Variants in ABLIM1 observed in about 807,000 individuals in gnomAD.
The protein encoded by ABLIM1 is actin binding LIM protein 1.
ABLIM1 carries 40 observed loss-of-function variants against 107.0 expected under a neutral mutation model. The observed-to-expected ratio is 0.37, with a 90% CI of 0.29 to 0.49. The LOEUF (loss-of-function observed/expected upper bound fraction) is 0.49. Ranked by LOEUF, ABLIM1 falls within the 20% of genes least tolerant of loss-of-function variation. The pLI is 0.97. For missense variants in ABLIM1, 857 were observed against 1,008.5 expected, an observed-to-expected ratio of 0.85 and a Z score of 2.04; for synonymous variants, 357 against 357.3, an observed-to-expected ratio of 1.00 and a Z score of 0.01.
chr10:114,510,657 T>TC (rs2061721760), intron 6 of ABLIM1, among the ~76,000 whole-genome samples: 1 of 97,422 alleles, frequency 1.0e-5, no homozygotes, highest in Non-Finnish European at 1.9e-5. Flanking sequence ...TATTTTATTA[T>TC]TTTTTTTTTT....
At chr10:114,478,124 A>C (rs1049437820) in intron 8 of ABLIM1, among the ~76,000 whole-genome samples, 1 of 152,194 alleles carries the variant, frequency 6.6e-6, no homozygotes, top group Non-Finnish European at 1.5e-5. Flanking sequence ...TGTTGAGCTA[A>C]AGATTTTAAA....
chr10:114,738,206 G>A (rs1369936667), intron 1 of ABLIM1, among the ~76,000 whole-genome samples: 1 of 152,072 alleles, frequency 6.6e-6, no homozygotes, highest in Non-Finnish European at 1.5e-5. Context: ...GTGCCACCGT[G>A]TCTGACTAAT....
chr10:114,795,228 T>G, the ABLIM1 span, among the ~76,000 whole-genome samples: 1 of 152,184 alleles, frequency 6.6e-6, no homozygotes, highest in Non-Finnish European at 1.5e-5. Context: ...ACAAAGTGCC[T>G]TTCTGGCAGT....
At chr10:114,747,414 G>C (rs1022566222) in intron 1 of ABLIM1, among the ~76,000 whole-genome samples, 1 of 152,140 alleles carries the variant, frequency 6.6e-6, no homozygotes, top group Non-Finnish European at 1.5e-5. Flanking sequence ...TCTCCGCTCT[G>C]CTCTATGTGT....
intron 1 of ABLIM1, among the ~76,000 whole-genome samples, chr10:114,671,687 A>C (rs151082827): frequency 6.6e-6 from 1 of 152,216 alleles, no homozygotes; most frequent in South Asian, 2.1e-4. Flanking sequence ...TTGTAAATAA[A>C]GTTTTATTGA....
intron 6 of ABLIM1, among the ~76,000 whole-genome samples, chr10:114,514,582 T>C (rs1424664720): frequency 6.6e-6 from 1 of 152,212 alleles, no homozygotes; most frequent in Non-Finnish European, 1.5e-5. Flanking sequence ...TCTCCCTATG[T>C]TTCCCAGGCT....
At chr10:114,443,268 A>G (rs77323945) in intron 17 of ABLIM1, among the ~76,000 whole-genome samples, 1 of 152,274 alleles carries the variant, frequency 6.6e-6, no homozygotes, top group Non-Finnish European at 1.5e-5. Context: ...CTTCTTCAAA[A>G]GTATCAAAAA....
intron 4 of ABLIM1, among the ~76,000 whole-genome samples, chr10:114,566,817 C>G (rs1167280274): frequency 6.6e-6 from 1 of 152,054 alleles, no homozygotes; most frequent in Non-Finnish European, 1.5e-5. Context: ...GGGAGGCTGA[C>G]GCGGGCAGAT....
chr10:114,709,281 G>T (rs1167428286), intron 1 of ABLIM1, among the ~76,000 whole-genome samples: 1 of 152,180 alleles, frequency 6.6e-6, no homozygotes, highest in Non-Finnish European at 1.5e-5. Context: ...CAACACTGGA[G>T]TTTGTTACGT....
At chr10:114,555,500 G>A (rs1040842697) in intron 4 of ABLIM1, among the ~76,000 whole-genome samples, 4 of 152,022 alleles carry the variant, frequency 2.6e-5, no homozygotes, top group African/African-American at 9.7e-5. Flanking sequence ...TTGTTTCTCT[G>A]GTTCCTGCCT....
chr10:114,689,142 G>A (rs2081012928), upstream of ABLIM1, among the ~76,000 whole-genome samples: 1 of 152,128 alleles, frequency 6.6e-6, no homozygotes, highest in East Asian at 1.9e-4. Flanking sequence ...GTACAGGGCA[G>A]TTTATCAAGT....
intron 1 of ABLIM1, among the ~76,000 whole-genome samples, chr10:114,709,447 A>G (rs552400916): frequency 4.5e-4 from 68 of 152,322 alleles, no homozygotes; most frequent in African/African-American, 1.6e-3. Context: ...AATATGCTTA[A>G]AACAGTTATA....
At chr10:114,498,274 A>G (rs778771239) in intron 6 of ABLIM1, among the ~76,000 whole-genome samples, 1 of 152,214 alleles carries the variant, frequency 6.6e-6, no homozygotes, top group Non-Finnish European at 1.5e-5. Context: ...GTGAAATCCC[A>G]TACCCTCTAC....
intron 1 of ABLIM1, among the ~76,000 whole-genome samples, chr10:114,722,792 G>A (rs927743976): frequency 1.3e-5 from 2 of 152,264 alleles, no homozygotes; most frequent in Admixed American, 6.5e-5. Context: ...GAGGAAGGAG[G>A]ACCCAGTACC....
In ABLIM1 at chr10:114,433,050, C is replaced by G. The variant is rs913863429; in HGVS notation, c.*3210G>C. 3 of 152,174 alleles carry G rather than the reference C, an allele frequency of 2.0e-5. No homozygotes were observed. Among genetic ancestry groups the G allele is most frequent in the African/African-American group, 7.2e-5 (3 of 41,432 alleles). The allele number at this position is 152,174 out of a possible 1,614,324, so 9.4% of individuals were successfully genotyped here. On this transcript the variant is annotated 3_prime_UTR_variant, in exon 23 of 23. Coordinates refer to ENST00000533213, the MANE Select transcript of ABLIM1 (RefSeq NM_002313.7). ...ACTGATTTTCCTATCATCATTGAGG[C>G]CCCTTTTACTTCATGCCATCATTAT... is the stretch of plus-strand genomic sequence containing the variant.
chr10:114,788,527 A>T, the ABLIM1 span, among the ~76,000 whole-genome samples: 39 of 151,910 alleles, frequency 2.6e-4, no homozygotes, highest in Middle Eastern at 3.2e-3. Context: ...CAGGAGTTTG[A>T]GACCAGCCTG....
intron 1 of ABLIM1, among the ~76,000 whole-genome samples, chr10:114,708,441 G>A (rs886791357): frequency 6.6e-6 from 1 of 152,162 alleles, no homozygotes; most frequent in Non-Finnish European, 1.5e-5. Flanking sequence ...GGAAGGGACA[G>A]GGACCCTCCT....
chr10:114,583,133 C>T (rs2073614568), intron 2 of ABLIM1, among the ~76,000 whole-genome samples: 1 of 151,636 alleles, frequency 6.6e-6, no homozygotes, highest in South Asian at 2.1e-4. Context: ...GTCTATTATA[C>T]AGAATCTATA....
chr10:114,514,324 A>G (rs2062452753), intron 6 of ABLIM1, among the ~76,000 whole-genome samples: 2 of 151,926 alleles, frequency 1.3e-5, no homozygotes, highest in African/African-American at 4.8e-5. Context: ...ATAAAGTGAA[A>G]TGAGCATTCT....
Sources: allele counts gnomAD v4.1 joint callset (sites outside exome capture counted in the v4.1 genomes callset), GRCh38; gene constraint gnomAD v4.1.1; transcripts MANE v1.5; gene names NCBI Gene and HGNC (gene_info 2026-07-23, HGNC 2026-07-21).